Variants in BANP observed in about 807,000 individuals in gnomAD.
The protein encoded by BANP is protein BANP.
In BANP, 11 loss-of-function variants were observed where a neutral mutation model predicts 68.1. The ratio of observed to expected loss-of-function variants is 0.16; its 90% CI spans 0.10 to 0.27. The LOEUF is 0.27. BANP is among the 10% of genes least tolerant of loss of function. The pLI, the probability that BANP is intolerant of heterozygous loss-of-function variation, is 1.00. For synonymous variants in BANP, 329 were observed against 303.2 expected (o/e 1.09, Z -0.88); for missense variants, 504 against 722.7 (o/e 0.70, Z 3.47).
intron 11 of BANP, among the ~76,000 whole-genome samples, chr16:88,060,193 GTATGT>G (rs1343080916): frequency 6.6e-6 from 1 of 152,260 alleles, no homozygotes; most frequent in East Asian, 1.9e-4. Flanking sequence ...TGGCAAGGCC[GTATGT>G]TTCTAAGCAT....
At chr16:87,989,286 A>G (rs1233880467) in intron 4 of BANP, among the ~76,000 whole-genome samples, 1 of 151,948 alleles carries the variant, frequency 6.6e-6, no homozygotes, top group African/African-American at 2.4e-5. Flanking sequence ...ATCAGTTTGG[A>G]TTTTGCTTCA....
chr16:88,012,417 G>A (rs1180272253), intron 6 of BANP, among the ~76,000 whole-genome samples: 3 of 152,228 alleles, frequency 2.0e-5, no homozygotes, highest in Non-Finnish European at 4.4e-5. Context: ...CTTACCTGGA[G>A]ATGGTGAGGC....
intron 11 of BANP, among the ~76,000 whole-genome samples, chr16:88,042,934 C>G (rs1034487594): frequency 6.6e-6 from 1 of 152,192 alleles, no homozygotes; most frequent in Non-Finnish European, 1.5e-5. Context: ...ATGAAGTGTA[C>G]AATTCAATGG....
chr16:88,019,972 C>T (rs1178306365), intron 7 of BANP, among the ~76,000 whole-genome samples: 1 of 152,224 alleles, frequency 6.6e-6, no homozygotes, highest in Non-Finnish European at 1.5e-5. Context: ...TGGCATCTTC[C>T]CATGTGCCAT....
intron 8 of BANP, among the ~76,000 whole-genome samples, chr16:88,030,464 G>A (rs2077930909): frequency 6.6e-6 from 1 of 152,194 alleles, no homozygotes; most frequent in African/African-American, 2.4e-5. Context: ...ATTTGGTAAG[G>A]TTAGCGGTCT....
intron 4 of BANP, among the ~76,000 whole-genome samples, chr16:87,995,787 A>T (rs987945061): frequency 1.3e-5 from 2 of 152,188 alleles, no homozygotes; most frequent in Non-Finnish European, 2.9e-5. Context: ...TTGACTCCAC[A>T]GGTAACAAGC....
intron 1 of BANP, among the ~76,000 whole-genome samples, chr16:87,960,383 C>T (rs947404796): frequency 1.3e-5 from 2 of 152,118 alleles, no homozygotes; most frequent in Non-Finnish European, 2.9e-5. Context: ...GGGTTTGGAA[C>T]GTGCTTAAAG....
intron 13 of BANP, among the ~76,000 whole-genome samples, chr16:88,074,257 C>G (rs1322826416): frequency 1.3e-5 from 2 of 152,172 alleles, no homozygotes; most frequent in Non-Finnish European, 2.9e-5. Context: ...TTGCATGGGT[C>G]AGAGCAGGGT....
intron 4 of BANP, among the ~76,000 whole-genome samples, chr16:87,995,801 G>T (rs939080881): frequency 6.6e-6 from 1 of 152,250 alleles, no homozygotes; most frequent in Non-Finnish European, 1.5e-5. Context: ...AACAAGCTCT[G>T]GGTCAAGATC....
At chr16:88,016,399 G>C (rs1322797269) in intron 6 of BANP, among the ~76,000 whole-genome samples, 1 of 152,190 alleles carries the variant, frequency 6.6e-6, no homozygotes, top group South Asian at 2.1e-4. Flanking sequence ...CCAGCATGTG[G>C]CTTCAGATCT....
intron 11 of BANP, among the ~76,000 whole-genome samples, chr16:88,062,581 GC>G (rs914849568): frequency 1.4e-4 from 21 of 152,298 alleles, no homozygotes; most frequent in African/African-American, 4.8e-4. Context: ...CCCCAACCAA[GC>G]CTCTCTTGAG....
rs1225704995 is a variant in BANP, at chr16:88,036,840, T to C, written c.1273-1133T>C. 6.6e-6 allele frequency among the ~76,000 whole-genome samples: 1 copy of C among 152,026 alleles called. No homozygotes were observed. On this transcript the variant is annotated intron_variant, in intron 10 of 13. Transcript: ENST00000682872. This position sits in a 1 kb window ranked among gnomAD's most constrained non-coding sequence, Gnocchi z 4.2. ...CAGGGCCTTCCCTGTTCTGTGTCTG[T>C]GGGTGGGTCAGGGACCATCTCCTTG... is the stretch of plus-strand genomic sequence containing the variant.
chr16:88,008,571 A>G (rs1009562543), intron 6 of BANP, among the ~76,000 whole-genome samples: 3 of 152,224 alleles, frequency 2.0e-5, no homozygotes, highest in Non-Finnish European at 2.9e-5. Context: ...AGGGTCATAA[A>G]AACAAAAAAA....
At chr16:88,073,277 G>T (rs190680117) in intron 13 of BANP, among the ~76,000 whole-genome samples, 1 of 152,238 alleles carries the variant, frequency 6.6e-6, no homozygotes, top group Non-Finnish European at 1.5e-5. Flanking sequence ...TGACGCTCAC[G>T]TCTTCACAGC....
At chr16:88,053,598 A>G (rs557280603) in intron 11 of BANP, among the ~76,000 whole-genome samples, 3,406 of 115,880 alleles carry the variant, frequency 0.029, 211 homozygotes, top group African/African-American at 0.11. Context: ...TCACCAACAC[A>G]ACCACCCTAA....
chr16:87,964,381 AAGTC>A (rs1350554919), intron 1 of BANP, among the ~76,000 whole-genome samples: 1 of 152,270 alleles, frequency 6.6e-6, no homozygotes, highest in African/African-American at 2.4e-5. Flanking sequence ...GATGTGTAGT[AAGTC>A]AGACAGTAGA....
At chr16:88,055,021 C>T (rs1252674130) in intron 11 of BANP, among the ~76,000 whole-genome samples, 1 of 152,008 alleles carries the variant, frequency 6.6e-6, no homozygotes, top group Non-Finnish European at 1.5e-5. Context: ...CTTTTCAAGG[C>T]TTGATTATTA....
chr16:88,066,602 AC>A (rs1237709175), intron 12 of BANP, among the ~76,000 whole-genome samples: 1 of 152,200 alleles, frequency 6.6e-6, no homozygotes, highest in East Asian at 1.9e-4. Flanking sequence ...AAAAAGTAAA[AC>A]CACATTGCCT....
chr16:87,968,503 T>C (rs1302549965), intron 1 of BANP, among the ~76,000 whole-genome samples: 1 of 104,592 alleles, frequency 9.6e-6, no homozygotes, highest in Non-Finnish European at 2.0e-5. Context: ...AAAAAATAAG[T>C]TTAGTTTATC....
Sources: allele counts gnomAD v4.1 joint callset (sites outside exome capture counted in the v4.1 genomes callset), GRCh38; gene constraint gnomAD v4.1.1; non-coding constraint Gnocchi (gnomAD v3.1); transcripts MANE v1.5; gene names NCBI Gene and HGNC (gene_info 2026-07-23, HGNC 2026-07-21).